ZNF724: variants seen among roughly 807,000 people sequenced by gnomAD.
ZNF724 encodes the protein zinc finger protein 724.
A neutral mutation model predicts 29.3 loss-of-function variants in ZNF724; 14 were observed. That is an observed-to-expected ratio of 0.48 (90% CI 0.32 to 0.75). The LOEUF (loss-of-function observed/expected upper bound fraction) is 0.75, where lower values mean the gene tolerates loss of function less well. Ranked by LOEUF, ZNF724 falls within the 30% of genes least tolerant of loss-of-function variation. ZNF724 has a pLI of 0.04. For missense variants in ZNF724, 557 were observed against 571.2 expected (o/e 0.98, Z 0.25); for synonymous variants, 180 against 193.6 (o/e 0.93, Z 0.58).
At position 23,242,971 on chromosome 19, in the gene ZNF724, G is replaced by A. The variant is rs1462470089; in HGVS notation, c.3+7269C>T. 1.4e-4 allele frequency among the ~76,000 whole-genome samples: 20 copies of A among 145,312 alleles called. 1 individual carries two copies. The highest frequency in any genetic ancestry group is 6.6e-4 in the South Asian group (3 of 4,576). On this transcript the variant is annotated intron_variant, in intron 1 of 3. Transcript: ENST00000418100. The stretch of plus-strand genomic sequence containing the variant: ...GGAGAATAGCTTGAACTCGGAAGGC[G>A]GAAGTTGCAGTGAGCCAAGATCGTG...
chr19:23,244,244 G>T (rs1442237810), intron 1 of ZNF724, among the ~76,000 whole-genome samples: 3 of 152,116 alleles, frequency 2.0e-5, no homozygotes, highest in Non-Finnish European at 2.9e-5. Context: ...TGCAGATTCG[G>T]TGTCTGGGGA....
chr19:23,247,165 G>C (rs1245770770), intron 1 of ZNF724, among the ~76,000 whole-genome samples: 2 of 152,184 alleles, frequency 1.3e-5, no homozygotes, highest in African/African-American at 4.8e-5. Flanking sequence ...AGAGGCTGCA[G>C]TGAGCTGAGA....
At position 23,231,267 on chromosome 19, in the gene ZNF724, TG is replaced by T; in HGVS notation, c.224del (p.Pro75GlnfsTer17). 5 of 1,339,124 alleles carry T rather than the reference TG, an allele frequency of 3.7e-6. No individual in the cohort carries two copies. Among genetic ancestry groups the T allele is most frequent in the South Asian group, 1.2e-5 (1 of 83,030 alleles). 83.0% of individuals were successfully genotyped at this position (1,339,124 alleles called of 1,614,324 possible). A position where few individuals can be genotyped will look rare whatever the true frequency, so the allele number is the denominator to read the frequency against. ...MERHEMVAKP[P>X]GMCCYFAQDL... ...TCTGTCATATTCACTCTCACCTACC[TG>T]GGGGTTTGGCCACCATCTCATGTCT... On this transcript the variant is annotated frameshift_variant and splice_region_variant, in exon 3 of 4. Transcript: ENST00000418100. LOFTEE classifies it low-confidence loss of function (END_TRUNC).
intron 2 of ZNF724, among the ~76,000 whole-genome samples, chr19:23,231,908 AT>A (rs1372126577): frequency 6.6e-6 from 1 of 151,758 alleles, no homozygotes; most frequent in East Asian, 1.9e-4. Context: ...TAATTTTTTT[AT>A]TTTTTTAAGT....
At chr19:23,232,092 C>T in intron 2 of ZNF724, 75 bp downstream of exon 2, 1 of 1,150,826 alleles carries the variant, frequency 8.7e-7, no homozygotes, top group South Asian at 1.3e-5. Context: ...AGATCAATTA[C>T]CAAAAAACAT....
At chr19:23,226,048 GTCTTTT>G (rs1971820641) in intron 3 of ZNF724, among the ~76,000 whole-genome samples, 1 of 116,348 alleles carries the variant, frequency 8.6e-6, no homozygotes, top group African/African-American at 3.3e-5. Flanking sequence ...TAGAGAGAGG[GTCTTTT>G]TTTTTTTTTT....
intron 1 of ZNF724, among the ~76,000 whole-genome samples, chr19:23,248,910 A>C (rs901144302): frequency 6.6e-6 from 1 of 151,996 alleles, no homozygotes; most frequent in Non-Finnish European, 1.5e-5. Context: ...CAGGAGAATC[A>C]CTTGAACCCG....
chr19:23,243,586 G>A (rs1233957453), intron 1 of ZNF724, among the ~76,000 whole-genome samples: 1 of 150,274 alleles, frequency 6.7e-6, no homozygotes, highest in Non-Finnish European at 1.5e-5. Context: ...TGGATGCAAA[G>A]AGGGGAAAAA....
rs778453171 is a variant in ZNF724 at position 23,222,997 on chromosome 19, A to C, written c.1248T>G (p.His416Gln). ...CACATTTGTAGGGTTTCTCTCCGGT[A>C]TGAATTCTTTTATGTGTGGTGAGGT... Reference protein sequence around the residue: ...SSHLTTHKRIHTGEKPYKCEE... With the variant: ...SSHLTTHKRIQTGEKPYKCEE... The change falls in exon 4 of 4, where the codon CAT becomes CAG. Residue 416 changes from histidine (H) to glutamine (Q), a missense_variant. Coordinates refer to ENST00000418100, the MANE Select transcript of ZNF724 (RefSeq NM_001355404.2). 4 of 1,370,018 alleles carry C rather than the reference A, an allele frequency of 2.9e-6. No individual in the cohort carries two copies. The highest frequency in any genetic ancestry group is 4.2e-6 in the Non-Finnish European group (4 of 959,044). 84.9% of individuals were successfully genotyped at this position (1,370,018 alleles called of 1,614,324 possible). A position where few individuals can be genotyped will look rare whatever the true frequency, so the allele number is the denominator to read the frequency against.
At chr19:23,240,129 A>T (rs1972093465) in intron 1 of ZNF724, among the ~76,000 whole-genome samples, 1 of 152,006 alleles carries the variant, frequency 6.6e-6, no homozygotes, top group African/African-American at 2.4e-5. Flanking sequence ...CAGCCTGGTC[A>T]ACATGGTGAA....
At chr19:23,249,068 A>T (rs1972299425) in intron 1 of ZNF724, among the ~76,000 whole-genome samples, 1 of 152,148 alleles carries the variant, frequency 6.6e-6, no homozygotes, top group African/African-American at 2.4e-5. Flanking sequence ...ACAGGAAGAC[A>T]GAAAGAATAT....
chr19:23,228,897 CAAA>C (rs60328213), intron 3 of ZNF724, among the ~76,000 whole-genome samples: 6 of 114,622 alleles, frequency 5.2e-5, no homozygotes, highest in Admixed American at 9.0e-5. Flanking sequence ...GCCCCACTTC[CAAA>C]AAAAAAAAAA....
At chr19:23,234,539 C>A (rs1430501485) in intron 1 of ZNF724, among the ~76,000 whole-genome samples, 1 of 152,088 alleles carries the variant, frequency 6.6e-6, no homozygotes, top group Non-Finnish European at 1.5e-5. Flanking sequence ...ACAACCTCCA[C>A]CTCCTGGGTT....
At chr19:23,229,493 C>T (rs1475745323) in intron 3 of ZNF724, among the ~76,000 whole-genome samples, 5 of 152,190 alleles carry the variant, frequency 3.3e-5, no homozygotes, top group Non-Finnish European at 7.3e-5. Context: ...TAAGTGAAAG[C>T]CATACTCATT....
chr19:23,230,244 A>G (rs1359794892), intron 3 of ZNF724, among the ~76,000 whole-genome samples: 1 of 151,842 alleles, frequency 6.6e-6, no homozygotes, highest in Non-Finnish European at 1.5e-5. Flanking sequence ...CACAAATTTT[A>G]AAATATTTTG....
chr19:23,232,060 G>T, intron 2 of ZNF724, 107 bp downstream of exon 2: 2 of 973,340 alleles, frequency 2.1e-6, no homozygotes, highest in East Asian at 2.5e-5. Flanking sequence ...TAGAAATAGA[G>T]ATCTGATACT....
At chr19:23,229,600 G>C (rs1269248768) in intron 3 of ZNF724, among the ~76,000 whole-genome samples, 3 of 152,202 alleles carry the variant, frequency 2.0e-5, no homozygotes, top group Non-Finnish European at 4.4e-5. Context: ...TATTCAGCCT[G>C]TCCAAAAATA....
Position 23,243,598 on chromosome 19 carries a change from A to G in ZNF724, c.3+6642T>C, listed in dbSNP as rs144589535. Among the ~76,000 whole-genome samples, 228 of 152,038 alleles carry G rather than the reference A, an allele frequency of 1.5e-3. 1 individual carries two copies. The highest frequency in any genetic ancestry group is 9.1e-3 in the East Asian group (47 of 5,158). On this transcript the variant is annotated intron_variant, in intron 1 of 3. Transcript: ENST00000418100. ...CCATGGATGCAAAGAGGGGAAAAAC[A>G]GACACAGGCCTAGTTGAGGTTGGCA...
chr19:23,236,843 A>T (rs1446207147), intron 1 of ZNF724: 2 of 151,830 alleles, frequency 1.3e-5, no homozygotes, highest in Non-Finnish European at 2.9e-5. Context: ...AATTTCCAAC[A>T]GCTCCTTTTT....
Sources: allele counts gnomAD v4.1 joint callset (sites outside exome capture counted in the v4.1 genomes callset), GRCh38; gene constraint gnomAD v4.1.1; transcripts MANE v1.5; gene names NCBI Gene and HGNC (gene_info 2026-07-23, HGNC 2026-07-21).